The following FAM81B variants were observed in gnomAD, a reference collection of about 807,000 sequenced individuals.
The protein encoded by FAM81B is protein FAM81B.
FAM81B carries 60 observed loss-of-function variants against 58.7 expected under a neutral mutation model. The observed-to-expected ratio is 1.02, with a 90% CI of 0.83 to 1.27. The LOEUF (loss-of-function observed/expected upper bound fraction) is 1.27. Among genes scored for constraint, FAM81B ranks in the 50% most tolerant of loss-of-function variants. The probability of loss-of-function intolerance (pLI) is 0.00; values close to 1 mark genes in which losing one functional copy is unlikely to be tolerated. For synonymous variants in FAM81B, 189 were observed against 179.6 expected (o/e 1.05, Z -0.42); for missense variants, 491 against 522.0 (o/e 0.94, Z 0.58).
chr5:95,399,205 A>G (rs770704945), intron 3 of FAM81B, among the ~76,000 whole-genome samples: 4 of 152,244 alleles, frequency 2.6e-5, no homozygotes, highest in Non-Finnish European at 4.4e-5. Context: ...ATAATAAATG[A>G]TTAATGACTT....
chr5:95,436,308 A>T (rs74751323), intron 6 of FAM81B, among the ~76,000 whole-genome samples: 8,035 of 152,294 alleles, frequency 0.053, 258 homozygotes, highest in South Asian at 0.14. Flanking sequence ...ATCTTGGGCC[A>T]GTCATGTGTG....
intron 4 of FAM81B, among the ~76,000 whole-genome samples, chr5:95,415,397 T>C (rs1762514015): frequency 6.6e-6 from 1 of 152,226 alleles, no homozygotes; most frequent in South Asian, 2.1e-4. Context: ...GGCAAGGATA[T>C]TGATTAATTC....
intron 7 of FAM81B, among the ~76,000 whole-genome samples, chr5:95,443,553 T>A (rs1274591691): frequency 6.6e-6 from 1 of 152,210 alleles, no homozygotes; most frequent in African/African-American, 2.4e-5. Context: ...GATAGATTCA[T>A]ACTGCTGAGA....
intron 3 of FAM81B, among the ~76,000 whole-genome samples, chr5:95,409,209 A>G (rs927980908): frequency 9.9e-5 from 15 of 152,098 alleles, no homozygotes; most frequent in African/African-American, 3.4e-4. Flanking sequence ...CCCAGGCTGG[A>G]GTGTGGTACC....
chr5:95,441,324 A>T (rs1222289979), intron 7 of FAM81B, among the ~76,000 whole-genome samples: 1 of 152,106 alleles, frequency 6.6e-6, no homozygotes, highest in Non-Finnish European at 1.5e-5. Context: ...TAATTCCAGC[A>T]CTTTGGGAGG....
intron 5 of FAM81B, chr5:95,424,140 A>G (rs1762761938): frequency 7.8e-7 from 1 of 1,289,844 alleles, no homozygotes; most frequent in Non-Finnish European, 1.0e-6. Flanking sequence ...GCAAGCCTGA[A>G]TAGAGGATGC....
At chr5:95,441,563 G>A (rs1745351968) in intron 7 of FAM81B, among the ~76,000 whole-genome samples, 1 of 151,500 alleles carries the variant, frequency 6.6e-6, no homozygotes, top group South Asian at 2.1e-4. Context: ...GTGAGACTCT[G>A]TATCTAAATA....
intron 2 of FAM81B, among the ~76,000 whole-genome samples, chr5:95,394,475 A>T (rs1761911214): frequency 6.6e-6 from 1 of 152,184 alleles, no homozygotes; most frequent in South Asian, 2.1e-4. Context: ...AGGAGGAAAG[A>T]ACTGGCAATG....
chr5:95,430,995 G>A (rs1395075828), intron 6 of FAM81B, among the ~76,000 whole-genome samples: 1 of 151,876 alleles, frequency 6.6e-6, no homozygotes, highest in African/African-American at 2.4e-5. Flanking sequence ...TTCTTTTTTG[G>A]TGAACTATCT....
chr5:95,393,261 G>C (rs909175061), intron 2 of FAM81B, among the ~76,000 whole-genome samples: 1 of 152,090 alleles, frequency 6.6e-6, no homozygotes, highest in Non-Finnish European at 1.5e-5. Context: ...AGAACTTGTC[G>C]TATCTTCTCC....
intron 7 of FAM81B, chr5:95,440,196 C>A: frequency 1.6e-6 from 1 of 626,846 alleles, no homozygotes; most frequent in Non-Finnish European, 3.1e-6. Flanking sequence ...TCAAGATCAA[C>A]AAGAAGCTAT....
At chr5:95,428,877 A>T in intron 6 of FAM81B, 145 bp downstream of exon 6, 1 of 1,084,982 alleles carries the variant, frequency 9.2e-7, no homozygotes, top group Non-Finnish European at 1.3e-6. Flanking sequence ...TCACTCATAT[A>T]CGCCATGGAA....
At chr5:95,419,547 T>C (rs771788782) in intron 4 of FAM81B, among the ~76,000 whole-genome samples, 2 of 152,144 alleles carry the variant, frequency 1.3e-5, no homozygotes, top group African/African-American at 2.4e-5. Context: ...TCAATACTTA[T>C]AAATGGGTAC....
At chr5:95,392,003 T>A (rs1178951255) in intron 1 of FAM81B, among the ~76,000 whole-genome samples, 2 of 152,180 alleles carry the variant, frequency 1.3e-5, no homozygotes, top group African/African-American at 4.8e-5. Flanking sequence ...CATTAATGGG[T>A]ATATACCCAA....
chr5:95,444,413 T>C (rs1266750831), intron 7 of FAM81B, among the ~76,000 whole-genome samples: 1 of 152,184 alleles, frequency 6.6e-6, no homozygotes, highest in Non-Finnish European at 1.5e-5. Context: ...AAGAGTTCTA[T>C]TTTTTAAGGT....
At chr5:95,398,588 G>C (rs1762025276) in intron 3 of FAM81B, among the ~76,000 whole-genome samples, 1 of 152,094 alleles carries the variant, frequency 6.6e-6, no homozygotes, top group African/African-American at 2.4e-5. Flanking sequence ...TCAGAGGTTT[G>C]GCCTTAAAAC....
chr5:95,401,229 C>G (rs1029202845), intron 3 of FAM81B, among the ~76,000 whole-genome samples: 18 of 152,304 alleles, frequency 1.2e-4, no homozygotes, highest in African/African-American at 3.8e-4. Context: ...TCACTTTTCA[C>G]TGGAAAAGAA....
intron 3 of FAM81B, among the ~76,000 whole-genome samples, chr5:95,399,960 T>C (rs1762063397): frequency 1.3e-5 from 2 of 152,308 alleles, no homozygotes; most frequent in South Asian, 4.2e-4. Flanking sequence ...AACTAAAATG[T>C]TTCGCTGCTG....
At position 95,391,521 on chromosome 5, in the gene FAM81B, T is replaced by C. The variant is rs755948817; in HGVS notation, c.124+8T>C. The C allele has an allele frequency of 1.6e-5, 26 of 1,608,766 alleles. No individual in the cohort carries two copies. The highest frequency in any genetic ancestry group is 3.3e-5 in the South Asian group (3 of 90,086). ...CAAGCATCATGAGTTCAGGTACTTA[T>C]GGACTATTCGAGGTCTCTAAATTTC... On this transcript the variant is annotated splice_region_variant and intron_variant, in intron 1 of 9. Coordinates refer to ENST00000283357, the MANE Select transcript of FAM81B (RefSeq NM_152548.3).
Sources: allele counts gnomAD v4.1 joint callset (sites outside exome capture counted in the v4.1 genomes callset), GRCh38; gene constraint gnomAD v4.1.1; transcripts MANE v1.5; gene names NCBI Gene and HGNC (gene_info 2026-07-23, HGNC 2026-07-21).